Variants in KIF1B observed in about 807,000 individuals in gnomAD.
The protein encoded by KIF1B is kinesin family member 1B, also known as kinesin-like protein KIF1B.
A neutral mutation model predicts 241.9 loss-of-function variants in KIF1B; 76 were observed. The observed-to-expected ratio is 0.31, with a 90% CI of 0.26 to 0.38. The LOEUF is 0.38. Among genes scored for constraint, KIF1B ranks in the 10% least tolerant of loss-of-function variants. The pLI is 1.00. For missense variants in KIF1B, 1,622 were observed against 2,271.4 expected (o/e 0.71, Z 5.81); for synonymous variants, 750 against 796.7 (o/e 0.94, Z 0.99).
intron 22 of KIF1B, among the ~76,000 whole-genome samples, chr1:10,311,834 T>C (rs1205425894): frequency 6.6e-6 from 1 of 151,496 alleles, no homozygotes; most frequent in Admixed American, 6.6e-5. Context: ...GTACTGATGA[T>C]GAAGATAATG....
Position 10,347,809 on chromosome 1 carries a change from G to T in KIF1B, c.3846G>T (p.Gly1282=). ...VDHTAGLPCQ[G]TFLLHQGIQR... The stretch of plus-strand genomic sequence containing the variant: ...ACACAGCAGGCTTGCCTTGCCAGGG[G>T]ACATTTTTGCTTCATCAGGTACTAA... Residue 1282 remains glycine (G), a synonymous_variant, in exon 36 of 49, where the codon GGG becomes GGT. Coordinates refer to ENST00000676179, the MANE Select transcript of KIF1B (RefSeq NM_001365951.3). 1 of 1,613,260 alleles carries T rather than the reference G, an allele frequency of 6.2e-7. No homozygotes were observed. The highest frequency in any genetic ancestry group is 8.5e-7 in the Non-Finnish European group (1 of 1,179,314).
At chr1:10,212,911 T>C (rs1354662633) in intron 1 of KIF1B, among the ~76,000 whole-genome samples, 4 of 121,386 alleles carry the variant, frequency 3.3e-5, no homozygotes, top group Non-Finnish European at 5.2e-5. Context: ...TATATATATA[T>C]ATATATATAT....
At position 10,279,199 on chromosome 1, in the gene KIF1B, A is replaced by T. The variant is rs561950920; in HGVS notation, c.1222+61A>T. 1,226 of 1,148,378 alleles carry T rather than the reference A, an allele frequency of 1.1e-3. 18 individuals are homozygous for T. In the South Asian group the frequency reaches 0.016, roughly 15 times the overall value. 71.1% of individuals were successfully genotyped at this position (1,148,378 alleles called of 1,614,324 possible). ...TGACTTGCTAATCTGCCTCTGCTGG[A>T]TCAGCCTTAAAATAAGCTTTGCATG... is the stretch of plus-strand genomic sequence containing the variant. On this transcript the variant is annotated intron_variant, in intron 14 of 48. Transcript: ENST00000676179.
At chr1:10,314,923 T>C (rs1181370888) in intron 22 of KIF1B, among the ~76,000 whole-genome samples, 2 of 151,514 alleles carry the variant, frequency 1.3e-5, no homozygotes, top group Non-Finnish European at 2.9e-5. Context: ...ACATTTTTTT[T>C]CTACCTGATG....
rs559028131 is a variant in KIF1B, at chr1:10,313,801, T to C, written c.2116-6242T>C. On this transcript the variant is annotated intron_variant, in intron 22 of 48. Transcript: ENST00000676179. ...TCCTGACCTCGTGATCTGCCCACCT[T>C]GGCCTCCCAAAGTGTTGAGATTACA... is the stretch of plus-strand genomic sequence containing the variant. 2.4e-4 allele frequency among the ~76,000 whole-genome samples: 36 copies of C among 151,552 alleles called. 1 individual carries two copies. The highest frequency in any genetic ancestry group is 9.8e-4 in the Admixed American group (15 of 15,270).
intron 13 of KIF1B, 66 bp from the exon 14 acceptor site, chr1:10,279,031 C>T (rs1293154265): frequency 2.2e-5 from 26 of 1,199,724 alleles, no homozygotes; most frequent in South Asian, 2.0e-4. Flanking sequence ...GCTCTGTTCC[C>T]TCTCTGTGTC....
intron 22 of KIF1B, chr1:10,307,156 G>C (rs1425200631): frequency 9.7e-7 from 1 of 1,030,210 alleles, no homozygotes. Flanking sequence ...TTTATTGACT[G>C]CCATGTATGT....
chr1:10,297,382 G>A, intron 22 of KIF1B, 136 bp downstream of exon 22: 1 of 836,810 alleles, frequency 1.2e-6, no homozygotes, highest in Non-Finnish European at 2.0e-6. Context: ...TTTCCTTAAT[G>A]GAGAATGAAC....
rs1159965084 is a variant in KIF1B at position 10,365,461 on chromosome 1, T to G, written c.4565T>G (p.Ile1522Ser). Residue 1522 changes from isoleucine (I) to serine (S), a missense_variant, in exon 43 of 49, where the codon ATC (isoleucine) becomes AGC (serine). Ile to Ser is a moderately radical substitution (Grantham distance 142). Transcript: ENST00000676179. The surrounding 1 kb of genome is among the most constrained non-coding windows in gnomAD (Gnocchi z 4.0). ...CTGCGTGAGAGACTTGGTGACAGCA[T>G]CCCCAAATCCCTGAGCGACTCGTTA... The part of the protein sequence containing the change: ...LLLRERLGDS[I>S]PKSLSDSLSP... The G allele has an allele frequency of 6.2e-7, 1 of 1,614,128 alleles. No homozygotes were observed. Among genetic ancestry groups the G allele is most frequent in the Middle Eastern group, 1.6e-4 (1 of 6,062 alleles).
Position 10,365,597 on chromosome 1 carries a change from T to C in KIF1B, c.4701T>C (p.Asp1567=). Residue 1567 remains aspartate (D), a synonymous_variant, in exon 43 of 49, where the codon GAT becomes GAC. Transcript: ENST00000676179. The surrounding 1 kb of genome is among the most constrained non-coding windows in gnomAD (Gnocchi z 4.0). ...CACCTAGCGAGAGCAGTGGCTATGATTCAGGAGACATCGAAAGCCTGGTGG... is the reference window on the plus strand; with the variant it reads ...CACCTAGCGAGAGCAGTGGCTATGACTCAGGAGACATCGAAAGCCTGGTGG... ...AITPSESSGY[D]SGDIESLVDR... 1 of 1,614,110 alleles carries C rather than the reference T, an allele frequency of 6.2e-7. No individual in the cohort carries two copies. Among genetic ancestry groups the C allele is most frequent in the Non-Finnish European group, 8.5e-7 (1 of 1,180,010 alleles).
chr1:10,292,396 A>G, intron 17 of KIF1B: 1 of 387,256 alleles, frequency 2.6e-6, no homozygotes, highest in Non-Finnish European at 4.8e-6. Context: ...AGTCATCTTT[A>G]TTTGTTGCTT....
rs199664929 is a variant in KIF1B at position 10,282,403 on chromosome 1, C to T, written c.1304C>T (p.Ser435Phe). 4 of 1,614,186 alleles carry T rather than the reference C, an allele frequency of 2.5e-6. No individual in the cohort carries two copies. The highest frequency in any genetic ancestry group is 1.3e-5 in the African/African-American group (1 of 75,056). The change falls in exon 15 of 49, where the codon TCC becomes TTC. Residue 435 changes from serine (S) to phenylalanine (F), a missense_variant. This residue lies in a region of KIF1B where 201 missense variants were observed against 301.2 expected (regional missense o/e 0.67). Coordinates refer to ENST00000676179, the MANE Select transcript of KIF1B (RefSeq NM_001365951.3). ...NQRPGHFSTA[S>F]MGSLTSSPSS... is the part of the protein sequence containing the mutation. ...CGCCCTGGCCATTTTTCCACAGCAT[C>T]CATGGGGTCCCTCACTTCATCCCCA...
intron 4 of KIF1B, among the ~76,000 whole-genome samples, chr1:10,259,400 G>C (rs1452657516): frequency 2.7e-5 from 4 of 150,694 alleles, no homozygotes; most frequent in African/African-American, 4.9e-5. Context: ...CTGAGGCCTT[G>C]TCCTCCCAGG....
At chr1:10,260,307 T>C (rs1459259615) in intron 4 of KIF1B, among the ~76,000 whole-genome samples, 1 of 152,198 alleles carries the variant, frequency 6.6e-6, no homozygotes, top group Non-Finnish European at 1.5e-5. Context: ...CACACCTGCA[T>C]AGTGCTCTTA....
At chr1:10,251,346 T>C (rs1647432615) in intron 2 of KIF1B, among the ~76,000 whole-genome samples, 1 of 142,488 alleles carries the variant, frequency 7.0e-6, no homozygotes, top group Non-Finnish European at 1.5e-5. Context: ...TTTTTTTTTT[T>C]ACTAAGGAAA....
intron 19 of KIF1B, 62 bp from the exon 20 acceptor site, chr1:10,296,520 T>C: frequency 7.3e-7 from 1 of 1,374,324 alleles, no homozygotes; most frequent in African/African-American, 1.4e-5. Context: ...AAGCAACTGC[T>C]TTCCATTATT....
At chr1:10,211,357 C>T (rs1229687542) in intron 1 of KIF1B, among the ~76,000 whole-genome samples, 1 of 152,184 alleles carries the variant, frequency 6.6e-6, no homozygotes, top group African/African-American at 2.4e-5. Flanking sequence ...CATCGCTTGG[C>T]GCTGGGGGAG....
intron 17 of KIF1B, among the ~76,000 whole-genome samples, chr1:10,293,910 T>G (rs1445035951): frequency 6.6e-6 from 1 of 152,190 alleles, no homozygotes; most frequent in Non-Finnish European, 1.5e-5. Context: ...AAACTCAGTC[T>G]TAGGACCTGT....
In KIF1B at chr1:10,339,654, G is replaced by A. The variant is rs1652313885; in HGVS notation, c.3423-115G>A. On this transcript the variant is annotated intron_variant, in intron 31 of 48. Transcript: ENST00000676179. ...TGACAAGGAAAGTAAATAACTTAAA[G>A]AATCTGCTTAAGTGGAATGCTTCTT... is the stretch of plus-strand genomic sequence containing the variant. 7.1e-6 allele frequency: 6 copies of A among 843,984 alleles called. No homozygotes were observed. The Admixed American group carries it at 1.1e-4, about 15-fold the overall frequency. The allele number at this position is 843,984 out of a possible 1,614,324, so 52.3% of individuals were successfully genotyped here.
Sources: allele counts gnomAD v4.1 joint callset (sites outside exome capture counted in the v4.1 genomes callset), GRCh38; gene constraint gnomAD v4.1.1; regional missense constraint gnomAD v4.1.1; non-coding constraint Gnocchi (gnomAD v3.1); transcripts MANE v1.5; gene names NCBI Gene and HGNC (gene_info 2026-07-23, HGNC 2026-07-21).